The following MAGI2 variants were observed in gnomAD, a reference collection of about 807,000 sequenced individuals.
MAGI2 encodes the protein membrane associated guanylate kinase, WW and PDZ domain containing 2, also known as membrane-associated guanylate kinase, WW and PDZ domain-containing protein 2.
Under a neutral mutation model 133.3 loss-of-function variants are expected in MAGI2, and 35 were observed. That is an observed-to-expected ratio of 0.26 (90% CI 0.20 to 0.35). MAGI2 has a LOEUF of 0.35. Among genes scored for constraint, MAGI2 ranks in the 10% least tolerant of loss-of-function variants. The pLI is 1.00. For missense variants in MAGI2, 1,636 were observed against 1,863.4 expected, an observed-to-expected ratio of 0.88 and a Z score of 2.25; for synonymous variants, 729 against 710.6, an observed-to-expected ratio of 1.03 and a Z score of -0.41.
chr7:79,375,660 A>C (rs888792250), intron 1 of MAGI2, among the ~76,000 whole-genome samples: 1 of 151,938 alleles, frequency 6.6e-6, no homozygotes, highest in Non-Finnish European at 1.5e-5. Flanking sequence ...CTGGCTTGAT[A>C]ATTCAAATGA....
intron 20 of MAGI2, among the ~76,000 whole-genome samples, chr7:78,113,542 A>T (rs1340626453): frequency 6.6e-6 from 1 of 152,158 alleles, no homozygotes; most frequent in Non-Finnish European, 1.5e-5. Context: ...ATATGTTAAG[A>T]TATACAAATA....
intron 2 of MAGI2, among the ~76,000 whole-genome samples, chr7:78,962,601 A>C (rs1802942182): frequency 6.6e-6 from 1 of 151,126 alleles, no homozygotes; most frequent in African/African-American, 2.5e-5. Context: ...CTCAACTGAA[A>C]CTGGAAAATT....
At chr7:79,128,119 G>A (rs1208983878) in intron 1 of MAGI2, among the ~76,000 whole-genome samples, 1 of 151,994 alleles carries the variant, frequency 6.6e-6, no homozygotes, top group Admixed American at 6.6e-5. Flanking sequence ...TAGATATGCA[G>A]CATTATTTCT....
intron 1 of MAGI2, among the ~76,000 whole-genome samples, chr7:79,121,538 A>T (rs1459577111): frequency 6.6e-6 from 1 of 152,078 alleles, no homozygotes; most frequent in African/African-American, 2.4e-5. Context: ...CTTATGTATC[A>T]TCCCATGGTA....
At chr7:79,410,731 A>C (rs1846087439) in intron 1 of MAGI2, 1 of 152,288 alleles carries the variant, frequency 6.6e-6, no homozygotes, top group Middle Eastern at 3.4e-3. Context: ...AGTATATTTT[A>C]TTCTGTAAAA....
intron 2 of MAGI2, among the ~76,000 whole-genome samples, chr7:78,808,011 T>C (rs1001119305): frequency 1.3e-5 from 2 of 152,134 alleles, no homozygotes; most frequent in African/African-American, 2.4e-5. Flanking sequence ...GTTTATACTC[T>C]AAGGAATAAA....
intron 16 of MAGI2, among the ~76,000 whole-genome samples, chr7:78,143,830 G>A (rs569986084): frequency 6.6e-6 from 1 of 151,454 alleles, no homozygotes; most frequent in East Asian, 1.9e-4. Context: ...TTTTTGTGAT[G>A]TTGCTTCATC....
chr7:78,606,281 G>T (rs901496431), intron 3 of MAGI2, among the ~76,000 whole-genome samples: 2 of 152,108 alleles, frequency 1.3e-5, no homozygotes, highest in African/African-American at 4.8e-5. Flanking sequence ...TCTGAGTTAG[G>T]GATGTAGATT....
At chr7:79,039,861 A>G (rs1210001879) in intron 1 of MAGI2, among the ~76,000 whole-genome samples, 2 of 144,302 alleles carry the variant, frequency 1.4e-5, no homozygotes, top group Non-Finnish European at 3.0e-5. Context: ...TATATTATAT[A>G]TATATAATAT....
At chr7:78,175,193 C>T (rs1826475148) in intron 14 of MAGI2, among the ~76,000 whole-genome samples, 1 of 152,086 alleles carries the variant, frequency 6.6e-6, no homozygotes, top group Non-Finnish European at 1.5e-5. Context: ...CAATTTTTTC[C>T]CCTTCTTCTC....
intron 2 of MAGI2, among the ~76,000 whole-genome samples, chr7:78,855,058 T>G (rs1454700390): frequency 6.6e-6 from 1 of 152,096 alleles, no homozygotes; most frequent in South Asian, 2.1e-4. Flanking sequence ...GGTTTCGCCA[T>G]GTTGCCAGGC....
chr7:78,697,010 C>A (rs1275262806), intron 2 of MAGI2, among the ~76,000 whole-genome samples: 1 of 152,156 alleles, frequency 6.6e-6, no homozygotes, highest in African/African-American at 2.4e-5. Flanking sequence ...ATAGTTTACA[C>A]AACTACAACA....
intron 1 of MAGI2, among the ~76,000 whole-genome samples, chr7:79,167,730 A>C (rs1162344028): frequency 6.6e-6 from 1 of 152,108 alleles, no homozygotes; most frequent in Admixed American, 6.6e-5. Flanking sequence ...TTAAAACATA[A>C]AGTTTAAATC....
intron 1 of MAGI2, among the ~76,000 whole-genome samples, chr7:79,443,283 T>TGC (rs1256394049): frequency 2.0e-4 from 11 of 54,290 alleles, no homozygotes; most frequent in Non-Finnish European, 3.8e-4. Flanking sequence ...TGTGTGTGTG[T>TGC]GCGTGTGTGT....
At chr7:79,282,213 G>A (rs1835698666) in intron 1 of MAGI2, among the ~76,000 whole-genome samples, 1 of 152,108 alleles carries the variant, frequency 6.6e-6, no homozygotes, top group African/African-American at 2.4e-5. Context: ...GCACTTGTGA[G>A]GCATTGTAAA....
intron 6 of MAGI2, among the ~76,000 whole-genome samples, chr7:78,434,955 C>G (rs1378074231): frequency 6.6e-6 from 1 of 152,210 alleles, no homozygotes; most frequent in Non-Finnish European, 1.5e-5. Context: ...CCCGCTGCCT[C>G]CTATCCCTCT....
chr7:78,338,623 T>C (rs1285725493), intron 9 of MAGI2, among the ~76,000 whole-genome samples: 1 of 152,220 alleles, frequency 6.6e-6, no homozygotes, highest in Non-Finnish European at 1.5e-5. Context: ...ATTTGCTGAA[T>C]TGAACTGAAG....
intron 20 of MAGI2, among the ~76,000 whole-genome samples, chr7:78,117,009 A>G (rs1819932125): frequency 6.6e-6 from 1 of 151,668 alleles, no homozygotes; most frequent in Non-Finnish European, 1.5e-5. Flanking sequence ...GAAGATAATT[A>G]TTTAGAAACA....
At chr7:78,830,547 GA>G (rs770030627) in intron 2 of MAGI2, among the ~76,000 whole-genome samples, 4 of 151,852 alleles carry the variant, frequency 2.6e-5, no homozygotes, top group Non-Finnish European at 5.9e-5. Flanking sequence ...TTTTAAACTA[GA>G]AACACAATTT....
Sources: gnomAD v4.1 joint callset for allele counts (sites outside exome capture counted in the v4.1 genomes callset) on GRCh38, gnomAD v4.1.1 for gene constraint, MANE v1.5 for transcripts, NCBI Gene and HGNC (gene_info 2026-07-23, HGNC 2026-07-21) for gene names.